Variants in SMYD3 observed in about 807,000 individuals in gnomAD.
SMYD3 encodes histone-lysine N-methyltransferase SMYD3.
Under a neutral mutation model 57.7 loss-of-function variants are expected in SMYD3, and 36 were observed. That is an observed-to-expected ratio of 0.62 (90% confidence interval 0.48 to 0.82). The LOEUF is 0.82. Among genes scored for constraint, SMYD3 ranks in the 40% least tolerant of loss-of-function variants. The pLI, the probability that SMYD3 is intolerant of heterozygous loss-of-function variation, is 0.00. For missense variants in SMYD3, 515 were observed against 538.8 expected (o/e 0.96, Z 0.44); for synonymous variants, 211 against 195.0 (o/e 1.08, Z -0.68).
At chr1:246,341,117 A>G (rs2065627265) in intron 2 of SMYD3, among the ~76,000 whole-genome samples, 1 of 152,236 alleles carries the variant, frequency 6.6e-6, no homozygotes, top group Non-Finnish European at 1.5e-5. Flanking sequence ...TACTATTTAA[A>G]TTTTCTACAA....
At chr1:246,339,221 G>A (rs535951136) in intron 2 of SMYD3, among the ~76,000 whole-genome samples, 29 of 152,096 alleles carry the variant, frequency 1.9e-4, no homozygotes, top group South Asian at 6.2e-4. Context: ...AATACAACAC[G>A]GCTTCTGACC....
intron 5 of SMYD3, among the ~76,000 whole-genome samples, chr1:245,952,031 TA>T (rs1290410045): frequency 6.7e-6 from 1 of 149,130 alleles, no homozygotes; most frequent in African/African-American, 2.5e-5. Context: ...AGACAATAAA[TA>T]GCAAAATGAT....
At chr1:246,210,300 C>T (rs2063065701) in intron 5 of SMYD3, among the ~76,000 whole-genome samples, 1 of 152,136 alleles carries the variant, frequency 6.6e-6, no homozygotes, top group Non-Finnish European at 1.5e-5. Context: ...ATGTCAGCAA[C>T]GTAAGAGATG....
intron 5 of SMYD3, among the ~76,000 whole-genome samples, chr1:246,147,921 C>T (rs2061878514): frequency 6.6e-6 from 1 of 152,166 alleles, no homozygotes; most frequent in Non-Finnish European, 1.5e-5. Flanking sequence ...CCCCCCACTT[C>T]ATCCCTGCAG....
At chr1:245,804,731 C>T (rs2791401) in intron 10 of SMYD3, among the ~76,000 whole-genome samples, 7,191 of 152,160 alleles carry the variant, frequency 0.047, 600 homozygotes, top group African/African-American at 0.16. Flanking sequence ...CATTCTGCCA[C>T]GTGAGGACAC....
At chr1:246,396,717 G>A (rs1008392850) in intron 1 of SMYD3, among the ~76,000 whole-genome samples, 25 of 152,166 alleles carry the variant, frequency 1.6e-4, no homozygotes, top group East Asian at 3.8e-4. Context: ...GTGACAGTAC[G>A]TTCTCACGAG....
intron 5 of SMYD3, among the ~76,000 whole-genome samples, chr1:246,284,695 C>T (rs1176934493): frequency 6.6e-6 from 1 of 152,142 alleles, no homozygotes; most frequent in Non-Finnish European, 1.5e-5. Context: ...GGATTACAGG[C>T]ATGAGCCACC....
intron 8 of SMYD3, among the ~76,000 whole-genome samples, chr1:245,889,912 T>A (rs1299162008): frequency 1.3e-5 from 2 of 151,986 alleles, no homozygotes; most frequent in African/African-American, 4.8e-5. Flanking sequence ...TGGAAAGAAA[T>A]AGAGAATCCA....
At chr1:246,195,884 A>G (rs757011897) in intron 5 of SMYD3, among the ~76,000 whole-genome samples, 1 of 152,190 alleles carries the variant, frequency 6.6e-6, no homozygotes, top group Non-Finnish European at 1.5e-5. Flanking sequence ...GCCTTTGTCA[A>G]TACCAGCTGT....
chr1:246,456,999 C>T (rs981129461), intron 1 of SMYD3, among the ~76,000 whole-genome samples: 19 of 152,260 alleles, frequency 1.2e-4, no homozygotes, highest in African/African-American at 4.3e-4. Flanking sequence ...CAAAGAATAT[C>T]GAATTTAAGT....
chr1:246,378,750 AAT>A lies in SMYD3; in HGVS notation c.165-23658_165-23657del, dbSNP rs1491213997. On this transcript the variant is annotated intron_variant, in intron 1 of 11. Transcript: ENST00000490107. ...TTATATATTATATATAATTATATAT[AAT>A]ATATTTAATATATTATATATAATTT... is the stretch of plus-strand genomic sequence containing the variant. Among the ~76,000 whole-genome samples, 43 of 81,668 alleles carry A rather than the reference AAT, an allele frequency of 5.3e-4. 1 individual carries two copies. The South Asian group carries it at 0.014, about 27-fold the overall frequency. 53.6% of individuals were successfully genotyped at this position (81,668 alleles called of 152,430 possible). A position where few individuals can be genotyped will look rare whatever the true frequency, so the allele number is the denominator to read the frequency against.
intron 5 of SMYD3, among the ~76,000 whole-genome samples, chr1:245,941,001 A>G (rs1414573613): frequency 6.6e-6 from 1 of 152,208 alleles, no homozygotes; most frequent in African/African-American, 2.4e-5. Context: ...AAAACACAAC[A>G]TGAGAACTTC....
chr1:246,219,697 G>A (rs1470648230), intron 5 of SMYD3, among the ~76,000 whole-genome samples: 1 of 152,198 alleles, frequency 6.6e-6, no homozygotes. Context: ...AAAGGTCACT[G>A]TAACACTCCC....
intron 11 of SMYD3, 86 bp downstream of exon 11, chr1:245,763,955 G>C (rs1451653522): frequency 3.0e-6 from 3 of 990,520 alleles, no homozygotes; most frequent in African/African-American, 3.2e-5. Flanking sequence ...CACATACATA[G>C]AGCTGCTAAC....
intron 5 of SMYD3, among the ~76,000 whole-genome samples, chr1:246,150,648 A>G (rs899799279): frequency 6.6e-5 from 10 of 152,236 alleles, no homozygotes; most frequent in Non-Finnish European, 1.5e-4. Flanking sequence ...TCTCCTCTGC[A>G]GCTATGGAGG....
chr1:246,377,364 T>C (rs1482258738), intron 1 of SMYD3, among the ~76,000 whole-genome samples: 2 of 150,600 alleles, frequency 1.3e-5, no homozygotes, highest in Non-Finnish European at 3.0e-5. Context: ...AAAAGGCAAA[T>C]AATTCTTTTT....
chr1:246,405,714 C>G (rs1458974955), intron 1 of SMYD3, among the ~76,000 whole-genome samples: 17 of 151,994 alleles, frequency 1.1e-4, no homozygotes, highest in Non-Finnish European at 1.8e-4. Flanking sequence ...CGAGACCATC[C>G]TGGCTAATAC....
intron 1 of SMYD3, among the ~76,000 whole-genome samples, chr1:246,413,982 G>C (rs1421088779): frequency 6.6e-6 from 1 of 152,302 alleles, no homozygotes; most frequent in African/African-American, 2.4e-5. Flanking sequence ...CTTTTGATGG[G>C]CTAATGTAAT....
chr1:245,758,347 A>T (rs778864647), intron 11 of SMYD3, among the ~76,000 whole-genome samples: 3 of 152,126 alleles, frequency 2.0e-5, no homozygotes, highest in Non-Finnish European at 4.4e-5. Context: ...ATATAGAGAT[A>T]ATTTTATTTC....
Sources: gnomAD v4.1 joint callset for allele counts (sites outside exome capture counted in the v4.1 genomes callset) on GRCh38, gnomAD v4.1.1 for gene constraint, MANE v1.5 for transcripts, NCBI Gene and HGNC (gene_info 2026-07-23, HGNC 2026-07-21) for gene names.